ME1: variants seen among roughly 807,000 people sequenced by gnomAD.
ME1 encodes the protein malic enzyme 1.
ME1 carries 74 observed loss-of-function variants against 66.4 expected under a neutral mutation model. That is an observed-to-expected ratio of 1.11 (90% CI 0.92 to 1.35). The LOEUF is 1.35. Among genes scored for constraint, ME1 ranks in the 40% most tolerant of loss-of-function variants. The pLI, the probability that ME1 is intolerant of heterozygous loss-of-function variation, is 0.00. For missense variants in ME1, 750 were observed against 694.1 expected (o/e 1.08, Z -0.90); for synonymous variants, 251 against 235.6 (o/e 1.07, Z -0.60).
intron 3 of ME1, among the ~76,000 whole-genome samples, chr6:83,386,067 A>T (rs1394959669): frequency 6.6e-6 from 1 of 151,922 alleles, no homozygotes; most frequent in Non-Finnish European, 1.5e-5. Context: ...TCTTTTTCTC[A>T]TACCTTAAAG....
At chr6:83,392,335 T>C in intron 3 of ME1, 1 of 518,986 alleles carries the variant, frequency 1.9e-6, no homozygotes, top group African/African-American at 2.0e-5. Context: ...ATTCTGCCCA[T>C]GGCAAATTCC....
intron 3 of ME1, among the ~76,000 whole-genome samples, chr6:83,392,146 C>A (rs942369526): frequency 6.6e-6 from 1 of 152,222 alleles, no homozygotes; most frequent in Non-Finnish European, 1.5e-5. Context: ...TGCATCTTCT[C>A]GTGCATTGCC....
intron 1 of ME1, among the ~76,000 whole-genome samples, chr6:83,408,714 C>A (rs1190770775): frequency 6.6e-6 from 1 of 152,084 alleles, no homozygotes; most frequent in African/African-American, 2.4e-5. Context: ...TAATACAAGA[C>A]AAAGTAATAT....
intron 3 of ME1, among the ~76,000 whole-genome samples, chr6:83,388,451 AATCT>A (rs1769557242): frequency 6.6e-6 from 1 of 152,178 alleles, no homozygotes; most frequent in Non-Finnish European, 1.5e-5. Context: ...ATGATACCAC[AATCT>A]ATTTGATCAA....
chr6:83,406,056 CA>C (rs1216492136), intron 2 of ME1, among the ~76,000 whole-genome samples: 1 of 152,146 alleles, frequency 6.6e-6, no homozygotes, highest in Non-Finnish European at 1.5e-5. Flanking sequence ...TTAATTTTGT[CA>C]AAGGCCTTTT....
At chr6:83,374,420 C>T (rs1021232226) in intron 3 of ME1, among the ~76,000 whole-genome samples, 2 of 152,060 alleles carry the variant, frequency 1.3e-5, no homozygotes, top group South Asian at 2.1e-4. Context: ...TGTCTGTTCA[C>T]GTCCTTTGCC....
At chr6:83,382,910 T>C (rs904159606) in intron 3 of ME1, among the ~76,000 whole-genome samples, 3 of 151,864 alleles carry the variant, frequency 2.0e-5, no homozygotes, top group Non-Finnish European at 4.4e-5. Flanking sequence ...AGTTTTTAGA[T>C]GATACTAATA....
chr6:83,354,526 T>C (rs1423187366), intron 3 of ME1, among the ~76,000 whole-genome samples: 1 of 152,204 alleles, frequency 6.6e-6, no homozygotes, highest in Non-Finnish European at 1.5e-5. Context: ...TAAATCTAAC[T>C]ACCTACTTAA....
intron 5 of ME1, among the ~76,000 whole-genome samples, chr6:83,333,327 TCCA>T (rs980791283): frequency 6.6e-6 from 1 of 152,206 alleles, no homozygotes; most frequent in African/African-American, 2.4e-5. Flanking sequence ...AAATCAGTTT[TCCA>T]TATGTGAAAC....
rs1245095946 is a variant in ME1, at chr6:83,398,352, T to C, written c.362+15A>G. The C allele has an allele frequency of 6.5e-7, 1 of 1,547,020 alleles. No individual in the cohort carries two copies. On this transcript the variant is annotated intron_variant, in intron 3 of 13. Transcript: ENST00000369705. Reference sequence around the variant, plus strand: ...ATAAAGACACAAGTTGCATATAAAATAAAAGTTGACATACCTTGGCTTCCG... The same window carrying C: ...ATAAAGACACAAGTTGCATATAAAACAAAAGTTGACATACCTTGGCTTCCG...
intron 5 of ME1, among the ~76,000 whole-genome samples, chr6:83,331,665 C>T (rs562600797): frequency 2.2e-4 from 34 of 151,506 alleles, no homozygotes; most frequent in Non-Finnish European, 4.0e-4. Context: ...CAGAGGAAGA[C>T]GGGCATCTAC....
chr6:83,283,985 G>T (rs1430549112), intron 6 of ME1, among the ~76,000 whole-genome samples: 2 of 152,112 alleles, frequency 1.3e-5, no homozygotes, highest in Non-Finnish European at 2.9e-5. Context: ...TCAATAGACT[G>T]CTAGCTAGAT....
chr6:83,217,798 C>T (rs1394987577), intron 12 of ME1, among the ~76,000 whole-genome samples: 1 of 152,104 alleles, frequency 6.6e-6, no homozygotes, highest in African/African-American at 2.4e-5. Flanking sequence ...GCCCAAGTGT[C>T]CTGACCTGGG....
Position 83,211,910 on chromosome 6 carries a change from T to C in ME1, c.*14A>G, listed in dbSNP as rs1789895133. On this transcript the variant is annotated 3_prime_UTR_variant, in exon 14 of 14. Coordinates refer to ENST00000369705, the MANE Select transcript of ME1 (RefSeq NM_002395.6). Reference sequence around the variant, plus strand: ...AAGACCTCATTAATAGAGTTAGAAATGTTTGCTATTATCCTACTGGTCAAC... The same window carrying C: ...AAGACCTCATTAATAGAGTTAGAAACGTTTGCTATTATCCTACTGGTCAAC... 1.3e-6 allele frequency: 2 copies of C among 1,553,336 alleles called. No homozygotes were observed. Among genetic ancestry groups the C allele is most frequent in the African/African-American group, 2.7e-5 (2 of 72,992 alleles).
At chr6:83,358,273 T>C (rs1768937481) in intron 3 of ME1, among the ~76,000 whole-genome samples, 1 of 152,042 alleles carries the variant, frequency 6.6e-6, no homozygotes, top group Admixed American at 6.5e-5. Flanking sequence ...TCATCACTCA[T>C]GAGAGGCAAG....
At chr6:83,231,799 C>G (rs545973836) in intron 9 of ME1, among the ~76,000 whole-genome samples, 1 of 152,026 alleles carries the variant, frequency 6.6e-6, no homozygotes, top group East Asian at 1.9e-4. Context: ...GTGGGCACCT[C>G]TCACCTCAGA....
intron 6 of ME1, among the ~76,000 whole-genome samples, chr6:83,265,868 T>G (rs1177092713): frequency 1.3e-5 from 2 of 152,230 alleles, no homozygotes; most frequent in Non-Finnish European, 2.9e-5. Context: ...GCAGGTAACT[T>G]TCTATCCTTT....
intron 3 of ME1, among the ~76,000 whole-genome samples, chr6:83,374,453 T>C (rs1456490927): frequency 6.6e-6 from 1 of 152,162 alleles, no homozygotes; most frequent in East Asian, 1.9e-4. Context: ...GGGTTGTTTG[T>C]TTTTTTCTTG....
chr6:83,395,995 T>C (rs1310897466), intron 3 of ME1, among the ~76,000 whole-genome samples: 1 of 152,060 alleles, frequency 6.6e-6, no homozygotes, highest in African/African-American at 2.4e-5. Context: ...AATCAACATA[T>C]AAAAGTCAGC....
Sources: gnomAD v4.1 joint callset for allele counts (sites outside exome capture counted in the v4.1 genomes callset) on GRCh38, gnomAD v4.1.1 for gene constraint, MANE v1.5 for transcripts, NCBI Gene and HGNC (gene_info 2026-07-23, HGNC 2026-07-21) for gene names.